The following KIAA1755 variants were observed in gnomAD, a reference collection of about 807,000 sequenced individuals.
KIAA1755 encodes the protein uncharacterized protein KIAA1755.
KIAA1755 carries 68 observed loss-of-function variants against 91.7 expected under a neutral mutation model. The observed-to-expected ratio is 0.74, with a 90% CI of 0.61 to 0.91. KIAA1755 has a LOEUF of 0.91. Among genes scored for constraint, KIAA1755 ranks in the 40% least tolerant of loss-of-function variants. The probability of loss-of-function intolerance (pLI) is 0.00; values close to 1 mark genes in which losing one functional copy is unlikely to be tolerated. For synonymous variants in KIAA1755, 610 were observed against 604.6 expected (o/e 1.01, Z -0.13); for missense variants, 1,535 against 1,494.4 (o/e 1.03, Z -0.45).
At chr20:38,245,623 A>G (rs1205613439) in intron 2 of KIAA1755, among the ~76,000 whole-genome samples, 1 of 152,220 alleles carries the variant, frequency 6.6e-6, no homozygotes, top group Non-Finnish European at 1.5e-5. Flanking sequence ...GGCAGTGCCC[A>G]CAATGTCAGG....
rs754032963 is a variant in KIAA1755 at position 38,241,504 on chromosome 20, C to A, written c.627G>T (p.Leu209=). The part of the protein sequence containing the change: ...QAWGPLPLEA[L]DLSSPQELHQ... ...GCAACTCTTGAGGGCTGCTCAAATC[C>A]AGTGCCTCTAATGGAAGGGGCCCCC... Residue 209 remains leucine, a synonymous_variant, in exon 3 of 14, where the codon CTG becomes CTT. Coordinates refer to ENST00000279024, the MANE Select transcript of KIAA1755 (RefSeq NM_001029864.2). The A allele has an allele frequency of 6.2e-7, 1 of 1,614,116 alleles. No homozygotes were observed. The highest frequency in any genetic ancestry group is 8.5e-7 in the Non-Finnish European group (1 of 1,180,048).
At chr20:38,251,616 A>G (rs2076250499) in intron 1 of KIAA1755, among the ~76,000 whole-genome samples, 1 of 145,622 alleles carries the variant, frequency 6.9e-6, no homozygotes, top group African/African-American at 2.6e-5. Context: ...CCCAGGCTGG[A>G]GTACAGTGAT....
intron 1 of KIAA1755, among the ~76,000 whole-genome samples, chr20:38,251,473 C>A (rs1199903475): frequency 6.6e-6 from 1 of 151,890 alleles, no homozygotes; most frequent in Non-Finnish European, 1.5e-5. Context: ...AAACTACCTG[C>A]TCACAGTGGT....
At chr20:38,250,512 C>CTGTGTGTG (rs3080901) in intron 1 of KIAA1755, among the ~76,000 whole-genome samples, 34 of 138,918 alleles carry the variant, frequency 2.4e-4, no homozygotes, top group Middle Eastern at 3.8e-3. Context: ...GTGTGTGTGT[C>CTGTGTGTG]TGTGTGTGTG....
intron 8 of KIAA1755, among the ~76,000 whole-genome samples, chr20:38,223,870 G>A (rs776557790): frequency 6.6e-6 from 1 of 152,218 alleles, no homozygotes; most frequent in South Asian, 2.1e-4. Flanking sequence ...AAGTTCCCAG[G>A]TGTTGCTGAT....
intron 1 of KIAA1755, among the ~76,000 whole-genome samples, chr20:38,247,429 A>T (rs1376915317): frequency 6.6e-6 from 1 of 151,366 alleles, no homozygotes; most frequent in African/African-American, 2.4e-5. Flanking sequence ...ACCCCTCCTC[A>T]CCTGGCCAAC....
chr20:38,239,912 T>C (rs1220353517), intron 3 of KIAA1755, among the ~76,000 whole-genome samples, 187 bp from the exon 4 acceptor site: 1 of 152,112 alleles, frequency 6.6e-6, no homozygotes, highest in African/African-American at 2.4e-5. Context: ...TTTTTTTTCT[T>C]TAGTGACAGA....
Position 38,217,681 on chromosome 20 carries a change from C to A in KIAA1755, c.2680-207G>T, listed in dbSNP as rs117548345. ...GTTGAACAATTAAGAGCAGTTATCA[C>A]GCTTCTGGAAGTCTCCAGGCCCTCG... is the stretch of plus-strand genomic sequence containing the variant. On this transcript the variant is annotated intron_variant, in intron 12 of 13. Transcript: ENST00000279024. The A allele has an allele frequency of 6.8e-3, 4,041 of 591,888 alleles. 77 individuals carry two copies. Among genetic ancestry groups the A allele is most frequent in the East Asian group, 0.045 (1,600 of 35,912 alleles). The allele number at this position is 591,888 out of a possible 1,614,324, so 36.7% of individuals were successfully genotyped here.
chr20:38,242,546 C>A (rs1382233247), intron 2 of KIAA1755, among the ~76,000 whole-genome samples: 1 of 152,212 alleles, frequency 6.6e-6, no homozygotes, highest in Admixed American at 6.5e-5. Context: ...AACATCATAG[C>A]TTATTTAGAC....
At chr20:38,257,394 A>G (rs2076356575) in intron 1 of KIAA1755, among the ~76,000 whole-genome samples, 1 of 152,098 alleles carries the variant, frequency 6.6e-6, no homozygotes, top group African/African-American at 2.4e-5. Context: ...CAGACTGGCC[A>G]ACATGGTAAA....
At chr20:38,251,698 T>C (rs1298221511) in intron 1 of KIAA1755, among the ~76,000 whole-genome samples, 3 of 151,872 alleles carry the variant, frequency 2.0e-5, no homozygotes, top group Non-Finnish European at 4.4e-5. Context: ...CCCATGTAGC[T>C]GGGATTATAG....
chr20:38,220,879 C>T (rs2123087450), intron 10 of KIAA1755, among the ~76,000 whole-genome samples: 1 of 152,308 alleles, frequency 6.6e-6, no homozygotes, highest in East Asian at 1.9e-4. Flanking sequence ...AGGGCTGTTT[C>T]TGCACATAAT....
chr20:38,228,787 A>G (rs1482667752), intron 5 of KIAA1755, among the ~76,000 whole-genome samples: 3 of 152,236 alleles, frequency 2.0e-5, no homozygotes, highest in Admixed American at 6.5e-5. Flanking sequence ...AGTTCTTAAC[A>G]AAGAGATATG....
Position 38,260,682 on chromosome 20 carries a change from G to C in KIAA1755, c.-182C>G. The C allele has an allele frequency of 1.8e-6, 1 of 547,632 alleles. No homozygotes were observed. Among genetic ancestry groups the C allele is most frequent in the Admixed American group, 4.1e-5 (1 of 24,662 alleles). The allele number at this position is 547,632 out of a possible 1,614,324, so 33.9% of individuals were successfully genotyped here. On this transcript the variant is annotated 5_prime_UTR_variant, in exon 1 of 14. Coordinates refer to ENST00000279024, the MANE Select transcript of KIAA1755 (RefSeq NM_001029864.2). The stretch of plus-strand genomic sequence containing the variant: ...GAGGAGCGGCCGGGGAGGACAGGGA[G>C]AGAGACTGAGAGAGAGACAGAGAGG...
intron 7 of KIAA1755, among the ~76,000 whole-genome samples, chr20:38,226,731 A>G (rs962025703): frequency 6.6e-6 from 1 of 152,184 alleles, no homozygotes; most frequent in Non-Finnish European, 1.5e-5. Flanking sequence ...AAATACAGGA[A>G]GAGCAGGTGT....
chr20:38,235,466 G>A (rs1207369495), intron 4 of KIAA1755, among the ~76,000 whole-genome samples: 1 of 152,162 alleles, frequency 6.6e-6, no homozygotes, highest in African/African-American at 2.4e-5. Flanking sequence ...TCTAATCATA[G>A]GAATCCTTAA....
chr20:38,258,477 A>G (rs1278846147), intron 1 of KIAA1755, among the ~76,000 whole-genome samples: 1 of 152,226 alleles, frequency 6.6e-6, no homozygotes, highest in Non-Finnish European at 1.5e-5. Context: ...GGTGCCCCCA[A>G]ACACTAGACA....
rs116175787 is a variant in KIAA1755 at position 38,239,256 on chromosome 20, G to T, written c.1747+272C>A. ...ATCTATGTCTCAGGCTCTGCTTCTG[G>T]GGAACCCAGTATCCACCTTGGCTGC... On this transcript the variant is annotated intron_variant, in intron 4 of 13. Transcript: ENST00000279024. Among the ~76,000 whole-genome samples the T allele has an allele frequency of 3.6e-3, 544 of 152,308 alleles. 5 individuals carry two copies. The highest frequency in any genetic ancestry group is 0.012 in the African/African-American group (518 of 41,564).
In KIAA1755 at chr20:38,241,636, G is replaced by C; in HGVS notation, c.495C>G (p.Cys165Trp). The C allele has an allele frequency of 6.2e-7, 1 of 1,614,266 alleles. No homozygotes were observed. The highest frequency in any genetic ancestry group is 8.5e-7 in the Non-Finnish European group (1 of 1,180,048). The change falls in exon 3 of 14, where the codon TGC (cysteine) becomes TGG (tryptophan). Residue 165 changes from cysteine to tryptophan, a missense_variant. By Grantham distance (215) the Cys-to-Trp change is radical (BLOSUM62 -2). Transcript: ENST00000279024. ...CAATCCCATTTTCTGATGCTACCAA[G>C]CAGTTGTGTAGGGGATTTCCCTCAA... ...SDFEGNPLHNCLVASENGIAP... is the reference protein window; with the variant it reads ...SDFEGNPLHNWLVASENGIAP...
Sources: allele counts gnomAD v4.1 joint callset (sites outside exome capture counted in the v4.1 genomes callset), GRCh38; gene constraint gnomAD v4.1.1; transcripts MANE v1.5; gene names NCBI Gene and HGNC (gene_info 2026-07-23, HGNC 2026-07-21).